The following FBXL17 variants were observed in gnomAD, a reference collection of about 807,000 sequenced individuals.
FBXL17 encodes the protein F-box/LRR-repeat protein 17.
A neutral mutation model predicts 66.2 loss-of-function variants in FBXL17; 22 were observed. That is an observed-to-expected ratio of 0.33 (90% confidence interval 0.24 to 0.47). FBXL17 has a LOEUF of 0.47. Among genes scored for constraint, FBXL17 ranks in the 20% least tolerant of loss-of-function variants. The pLI, the probability that FBXL17 is intolerant of heterozygous loss-of-function variation, is 1.00. For synonymous variants in FBXL17, 474 were observed against 400.5 expected, an observed-to-expected ratio of 1.18 and a Z score of -2.19; for missense variants, 878 against 948.2, an observed-to-expected ratio of 0.93 and a Z score of 0.97.
chr5:108,043,880 C>A (rs1747144350), intron 6 of FBXL17, among the ~76,000 whole-genome samples: 1 of 152,134 alleles, frequency 6.6e-6, no homozygotes, highest in South Asian at 2.1e-4. Context: ...CTTTGATTTT[C>A]AAGGCTTGTA....
intron 6 of FBXL17, among the ~76,000 whole-genome samples, chr5:108,104,913 C>A (rs1378247474): frequency 1.3e-5 from 2 of 152,136 alleles, no homozygotes; most frequent in Non-Finnish European, 2.9e-5. Flanking sequence ...GCCATCTCGG[C>A]TCACTGCAAC....
At chr5:108,368,076 A>G in intron 1 of FBXL17, 123 bp from the exon 2 acceptor site, 1 of 908,974 alleles carries the variant, frequency 1.1e-6, no homozygotes, top group Non-Finnish European at 1.6e-6. Flanking sequence ...AAAAGAGGCC[A>G]TTATTGTAAG....
chr5:108,131,598 T>C (rs559466207), intron 6 of FBXL17, among the ~76,000 whole-genome samples: 4 of 152,170 alleles, frequency 2.6e-5, no homozygotes, highest in Admixed American at 2.6e-4. Flanking sequence ...TGTATTCCCT[T>C]ATATTCTCAG....
chr5:108,155,252 C>T (rs897449343), intron 6 of FBXL17, among the ~76,000 whole-genome samples: 1 of 152,130 alleles, frequency 6.6e-6, no homozygotes, highest in African/African-American at 2.4e-5. Flanking sequence ...CGCGGTGCCT[C>T]ACGTCTGTAA....
At chr5:108,089,115 G>C (rs1205387155) in intron 6 of FBXL17, among the ~76,000 whole-genome samples, 1 of 152,070 alleles carries the variant, frequency 6.6e-6, no homozygotes, top group African/African-American at 2.4e-5. Flanking sequence ...CCTCCAAAAG[G>C]TATTCTGAAT....
chr5:108,209,565 A>G (rs770383176), intron 5 of FBXL17, among the ~76,000 whole-genome samples: 7 of 152,210 alleles, frequency 4.6e-5, no homozygotes, highest in Non-Finnish European at 1.0e-4. Flanking sequence ...CTATTGAGAT[A>G]ATCATGTGTT....
chr5:108,127,201 T>G (rs147368990), intron 6 of FBXL17, among the ~76,000 whole-genome samples: 1 of 152,284 alleles, frequency 6.6e-6, no homozygotes, highest in East Asian at 1.9e-4. Context: ...ACACCAACAC[T>G]TATGTCTTTG....
At position 108,182,238 on chromosome 5, in the gene FBXL17, C is replaced by T. The variant is rs562018615; in HGVS notation, c.1745+3879G>A. 3.3e-5 allele frequency among the ~76,000 whole-genome samples: 5 copies of T among 152,154 alleles called. No homozygotes were observed. In the South Asian group the frequency reaches 8.3e-4, roughly 25 times the overall value. On this transcript the variant is annotated intron_variant, in intron 6 of 8. Transcript: ENST00000542267. ...TTTACTGGAGGATAATAATAATGAA[C>T]GAATGTAAAACAGAATTAATTGATA...
intron 6 of FBXL17, among the ~76,000 whole-genome samples, chr5:108,161,181 CAT>C (rs1752201915): frequency 6.6e-6 from 1 of 151,914 alleles, no homozygotes; most frequent in Admixed American, 6.6e-5. Flanking sequence ...TACATACATA[CAT>C]ACATACATAC....
chr5:108,072,702 T>C (rs1037953015), intron 6 of FBXL17, among the ~76,000 whole-genome samples: 52 of 84,822 alleles, frequency 6.1e-4, no homozygotes, highest in Non-Finnish European at 1.4e-3. Context: ...AGTGAGACTC[T>C]GTCTCAAAAA....
intron 4 of FBXL17, among the ~76,000 whole-genome samples, chr5:108,248,465 G>A (rs906404352): frequency 6.6e-6 from 1 of 152,112 alleles, no homozygotes; most frequent in Non-Finnish European, 1.5e-5. Context: ...ACGTGACTAT[G>A]ACAGAAAATT....
At chr5:107,894,149 C>A (rs190011268) in intron 7 of FBXL17, among the ~76,000 whole-genome samples, 1 of 152,108 alleles carries the variant, frequency 6.6e-6, no homozygotes, top group East Asian at 1.9e-4. Context: ...CTTTTACTTA[C>A]AGGGAGAACA....
At chr5:108,345,021 A>G (rs1747175990) in intron 4 of FBXL17, among the ~76,000 whole-genome samples, 2 of 152,214 alleles carry the variant, frequency 1.3e-5, no homozygotes, top group African/African-American at 4.8e-5. Flanking sequence ...CAGAACTCAA[A>G]GAATTCTCTT....
chr5:108,175,258 C>T (rs1271987444), intron 6 of FBXL17, among the ~76,000 whole-genome samples: 6 of 152,050 alleles, frequency 3.9e-5, no homozygotes, highest in Non-Finnish European at 5.9e-5. Flanking sequence ...GGGCACAGGG[C>T]GCAAGATGAA....
At chr5:108,245,147 C>T (rs1324039365) in intron 4 of FBXL17, among the ~76,000 whole-genome samples, 3 of 151,986 alleles carry the variant, frequency 2.0e-5, no homozygotes, top group Non-Finnish European at 2.9e-5. Flanking sequence ...TATTCCATAA[C>T]AACAAAGAAC....
intron 7 of FBXL17, among the ~76,000 whole-genome samples, chr5:107,989,918 T>A (rs892067946): frequency 6.6e-6 from 1 of 152,190 alleles, no homozygotes; most frequent in Non-Finnish European, 1.5e-5. Context: ...GACTTCTACA[T>A]GAAAAGGACC....
chr5:107,973,417 G>A (rs1243971242), intron 7 of FBXL17, among the ~76,000 whole-genome samples: 2 of 131,966 alleles, frequency 1.5e-5, no homozygotes, highest in East Asian at 4.4e-4. Flanking sequence ...TTTTATGTGT[G>A]GCCCAAGACA....
chr5:108,348,844 G>A (rs770163236), intron 3 of FBXL17, among the ~76,000 whole-genome samples: 12 of 151,974 alleles, frequency 7.9e-5, no homozygotes, highest in Non-Finnish European at 1.6e-4. Context: ...TCACTGTGTC[G>A]CCCAGGCTAG....
chr5:108,154,686 CATAT>C (rs747214809), intron 6 of FBXL17, among the ~76,000 whole-genome samples: 1 of 139,378 alleles, frequency 7.2e-6, no homozygotes, highest in African/African-American at 2.7e-5. Context: ...TATATATACA[CATAT>C]ATATGTATAT....
Sources: allele counts gnomAD v4.1 joint callset (sites outside exome capture counted in the v4.1 genomes callset), GRCh38; gene constraint gnomAD v4.1.1; transcripts MANE v1.5; gene names NCBI Gene and HGNC (gene_info 2026-07-23, HGNC 2026-07-21).